Variants in IQCJ observed in about 807,000 individuals in gnomAD.
The protein encoded by IQCJ is IQ motif containing J.
A neutral mutation model predicts 11.0 loss-of-function variants in IQCJ; 9 were observed. The ratio of observed to expected loss-of-function variants is 0.82; its 90% CI spans 0.49 to 1.43. IQCJ has a LOEUF of 1.43. Among genes scored for constraint, IQCJ ranks in the 40% most tolerant of loss-of-function variants. IQCJ has a pLI of 0.00. For missense variants in IQCJ, 146 were observed against 133.2 expected (o/e 1.10, Z -0.47); for synonymous variants, 55 against 51.3 (o/e 1.07, Z -0.31).
intron 1 of IQCJ, among the ~76,000 whole-genome samples, chr3:159,093,352 T>C (rs531149395): frequency 7.2e-5 from 11 of 152,058 alleles, no homozygotes; most frequent in Admixed American, 7.2e-4. Context: ...AGTCAGGAGC[T>C]TTTATATCAC....
At chr3:159,138,485 A>G (rs893965063) in intron 1 of IQCJ, among the ~76,000 whole-genome samples, 4 of 152,242 alleles carry the variant, frequency 2.6e-5, no homozygotes, top group Non-Finnish European at 4.4e-5. Flanking sequence ...GTTCTTCTAG[A>G]TCACAATTCT....
intron 1 of IQCJ, chr3:159,070,152 TG>T (rs1715466209): frequency 6.2e-6 from 1 of 161,798 alleles, no homozygotes; most frequent in Non-Finnish European, 1.4e-5. Context: ...CTATGTTTTC[TG>T]GCTTGTAGGA....
intron 1 of IQCJ, among the ~76,000 whole-genome samples, chr3:159,167,234 C>T (rs942631844): frequency 1.2e-4 from 18 of 152,208 alleles, no homozygotes; most frequent in Non-Finnish European, 2.5e-4. Flanking sequence ...CTTTTTATAA[C>T]ATGAGTTTTC....
At chr3:159,227,093 A>C (rs911356382) in intron 1 of IQCJ, among the ~76,000 whole-genome samples, 1 of 152,226 alleles carries the variant, frequency 6.6e-6, no homozygotes, top group Admixed American at 6.5e-5. Flanking sequence ...TCTTTGCATT[A>C]ACAGGGAAAA....
At chr3:159,090,273 C>A (rs1015295308) in intron 1 of IQCJ, among the ~76,000 whole-genome samples, 1 of 151,784 alleles carries the variant, frequency 6.6e-6, no homozygotes, top group Non-Finnish European at 1.5e-5. Flanking sequence ...CTTAAGGAGG[C>A]AGTCTGCCCG....
chr3:159,226,782 G>A (rs1004965060), intron 1 of IQCJ, among the ~76,000 whole-genome samples: 1 of 152,110 alleles, frequency 6.6e-6, no homozygotes, highest in African/African-American at 2.4e-5. Flanking sequence ...ATCAGGATAG[G>A]GCATATGAAG....
intron 1 of IQCJ, among the ~76,000 whole-genome samples, chr3:159,127,781 G>A (rs530496488): frequency 1.3e-5 from 2 of 152,130 alleles, no homozygotes; most frequent in Non-Finnish European, 2.9e-5. Context: ...TTGATAGTAC[G>A]CTTATTAACT....
At chr3:159,221,656 C>T (rs1485227290) in intron 1 of IQCJ, among the ~76,000 whole-genome samples, 1 of 151,942 alleles carries the variant, frequency 6.6e-6, no homozygotes, top group African/African-American at 2.4e-5. Context: ...CCTCTTGGTC[C>T]AAATTCTTCC....
chr3:159,196,745 G>A (rs1724004293), intron 1 of IQCJ, among the ~76,000 whole-genome samples: 1 of 152,100 alleles, frequency 6.6e-6, no homozygotes, highest in Non-Finnish European at 1.5e-5. Flanking sequence ...TAATTCCCAT[G>A]TTTCAGAGAA....
At chr3:159,129,496 G>T (rs753540779) in intron 1 of IQCJ, among the ~76,000 whole-genome samples, 3 of 152,116 alleles carry the variant, frequency 2.0e-5, no homozygotes, top group Non-Finnish European at 2.9e-5. Context: ...GCTCAGCACT[G>T]TCATAAACTT....
intron 1 of IQCJ, among the ~76,000 whole-genome samples, chr3:159,116,223 G>T (rs557972048): frequency 3.3e-5 from 5 of 151,998 alleles, no homozygotes; most frequent in Admixed American, 2.6e-4. Flanking sequence ...AACAGAGAAA[G>T]ACTCTGTCTC....
intron 1 of IQCJ, among the ~76,000 whole-genome samples, chr3:159,115,762 TG>T (rs1718947685): frequency 6.6e-6 from 1 of 151,902 alleles, no homozygotes; most frequent in African/African-American, 2.4e-5. Context: ...TCTAAAAAAA[TG>T]TTTTTTTTAA....
intron 1 of IQCJ, among the ~76,000 whole-genome samples, chr3:159,070,694 G>A (rs1388072218): frequency 6.6e-6 from 1 of 152,088 alleles, no homozygotes; most frequent in Non-Finnish European, 1.5e-5. Flanking sequence ...AAGTCAAATA[G>A]CATTCACAAA....
intron 1 of IQCJ, among the ~76,000 whole-genome samples, chr3:159,124,715 C>T (rs1009507985): frequency 6.6e-6 from 1 of 152,056 alleles, no homozygotes; most frequent in African/African-American, 2.4e-5. Flanking sequence ...TTTTTGCAAC[C>T]GTTGCAACAC....
Position 159,262,802 on chromosome 3 carries a change from T to C in IQCJ, c.*71T>C, listed in dbSNP as rs1234394548. 1 of 1,530,188 alleles carries C rather than the reference T, an allele frequency of 6.5e-7. No homozygotes were observed. The highest frequency in any genetic ancestry group is 2.3e-5 in the East Asian group (1 of 43,926). The allele number at this position is 1,530,188 out of a possible 1,614,324, so 94.8% of individuals were successfully genotyped here. A position where few individuals can be genotyped will look rare whatever the true frequency, so the allele number is the denominator to read the frequency against. On this transcript the variant is annotated 3_prime_UTR_variant, in exon 4 of 4. Coordinates refer to ENST00000397832, the MANE Select transcript of IQCJ (RefSeq NM_001042706.3). ...GGTGGTTTGTGACAGTGAAGATCTA[T>C]GTAGCTTATTTGCTACCCAGGAACC... is the stretch of plus-strand genomic sequence containing the variant.
At chr3:159,113,563 T>C (rs1718767599) in intron 1 of IQCJ, among the ~76,000 whole-genome samples, 1 of 152,228 alleles carries the variant, frequency 6.6e-6, no homozygotes, top group South Asian at 2.1e-4. Flanking sequence ...TTATGTTCGT[T>C]TAATAAGCAA....
intron 1 of IQCJ, among the ~76,000 whole-genome samples, chr3:159,095,064 G>T (rs1463868254): frequency 6.6e-6 from 1 of 151,774 alleles, no homozygotes; most frequent in Non-Finnish European, 1.5e-5. Context: ...GACACTGGTT[G>T]CCACATATTT....
In IQCJ at chr3:159,106,811, C is replaced by T. The variant is rs1718294064; in HGVS notation, c.9+37370C>T. Among the ~76,000 whole-genome samples, 7 of 152,248 alleles carry T rather than the reference C, an allele frequency of 4.6e-5. No individual in the cohort carries two copies. In the South Asian group the frequency reaches 1.0e-3, roughly 23 times the overall value. Reference sequence around the variant, plus strand: ...CTGACCAGCTATGAATTGGGGTTCCCGTGACCCCTTCTTTGGGTTTGATAA... The same window carrying T: ...CTGACCAGCTATGAATTGGGGTTCCTGTGACCCCTTCTTTGGGTTTGATAA... On this transcript the variant is annotated intron_variant, in intron 1 of 3. Transcript: ENST00000397832.
intron 1 of IQCJ, among the ~76,000 whole-genome samples, chr3:159,083,815 T>A (rs183953008): frequency 5.9e-4 from 90 of 152,282 alleles, no homozygotes; most frequent in South Asian, 2.7e-3. Context: ...ATCAAAAAAT[T>A]ATATATTGTA....
Sources: allele counts gnomAD v4.1 joint callset (sites outside exome capture counted in the v4.1 genomes callset), GRCh38; gene constraint gnomAD v4.1.1; transcripts MANE v1.5; gene names NCBI Gene and HGNC (gene_info 2026-07-23, HGNC 2026-07-21).